The following RAB38 variants were observed in gnomAD, a reference collection of about 807,000 sequenced individuals.
The protein encoded by RAB38 is RAB38, member RAS oncogene family, also known as ras-related protein Rab-38.
Under a neutral mutation model 18.4 loss-of-function variants are expected in RAB38, and 15 were observed. The ratio of observed to expected loss-of-function variants is 0.82; its 90% confidence interval spans 0.55 to 1.26. The LOEUF (loss-of-function observed/expected upper bound fraction) is 1.26, where lower values mean the gene tolerates loss of function less well. RAB38 is among the 50% of genes most tolerant of loss of function. The pLI, the probability that RAB38 is intolerant of heterozygous loss-of-function variation, is 0.00. For missense variants in RAB38, 294 were observed against 267.4 expected, an observed-to-expected ratio of 1.10 and a Z score of -0.69; for synonymous variants, 101 against 104.4, an observed-to-expected ratio of 0.97 and a Z score of 0.20.
chr11:87,852,132 T>G, the RAB38 span, among the ~76,000 whole-genome samples: 1 of 152,098 alleles, frequency 6.6e-6, no homozygotes. Flanking sequence ...CCGTGTGTCT[T>G]TAGAGACAAG....
At chr11:87,878,914 T>C in the RAB38 span, among the ~76,000 whole-genome samples, 1 of 151,396 alleles carries the variant, frequency 6.6e-6, no homozygotes, top group South Asian at 2.1e-4. Flanking sequence ...CAGTGGAAAA[T>C]ATCCAAGTTA....
chr11:88,163,193 C>T (rs373553245), intron 1 of RAB38, among the ~76,000 whole-genome samples: 1 of 152,180 alleles, frequency 6.6e-6, no homozygotes, highest in African/African-American at 2.4e-5. Flanking sequence ...TTACTATATT[C>T]GGTGTCTCCA....
At chr11:88,112,079 C>A (rs1369358367), downstream of RAB38, among the ~76,000 whole-genome samples, 3 of 152,182 alleles carry the variant, frequency 2.0e-5, no homozygotes, top group Non-Finnish European at 4.4e-5. Flanking sequence ...GAAAGTATTT[C>A]CTCATATAAG....
the RAB38 span, among the ~76,000 whole-genome samples, chr11:87,957,998 G>T: frequency 1.3e-5 from 2 of 152,122 alleles, no homozygotes; most frequent in Non-Finnish European, 2.9e-5. Context: ...GACTTACAAT[G>T]ATTCGACTTA....
chr11:87,926,787 A>G, the RAB38 span, among the ~76,000 whole-genome samples: 36 of 152,168 alleles, frequency 2.4e-4, no homozygotes, highest in African/African-American at 7.7e-4. Context: ...TCATTCATCA[A>G]TGCTGAAGAT....
At chr11:87,945,818 G>A in the RAB38 span, among the ~76,000 whole-genome samples, 10 of 152,102 alleles carry the variant, frequency 6.6e-5, no homozygotes, top group East Asian at 1.9e-4. Context: ...TACACTTGGC[G>A]TCTGGCATCT....
chr11:88,008,738 A>G, the RAB38 span, among the ~76,000 whole-genome samples: 2 of 152,210 alleles, frequency 1.3e-5, no homozygotes, highest in African/African-American at 2.4e-5. Flanking sequence ...CAGTGGCGCC[A>G]TCTCGGCTCA....
At chr11:87,886,443 G>T in the RAB38 span, among the ~76,000 whole-genome samples, 1 of 151,798 alleles carries the variant, frequency 6.6e-6, no homozygotes, top group African/African-American at 2.4e-5. Context: ...ACCAGGGTTG[G>T]GCTTGAATTT....
chr11:88,091,731 C>T, the RAB38 span, among the ~76,000 whole-genome samples: 1 of 151,892 alleles, frequency 6.6e-6, no homozygotes, highest in Non-Finnish European at 1.5e-5. Flanking sequence ...TTGGGGCTAG[C>T]CTGGGAGGGT....
At chr11:87,977,443 AATTAT>A in the RAB38 span, among the ~76,000 whole-genome samples, 3 of 90,440 alleles carry the variant, frequency 3.3e-5, 1 homozygote, top group African/African-American at 1.4e-4. Flanking sequence ...AATTATATAT[AATTAT>A]ATTACATAAT....
the RAB38 span, among the ~76,000 whole-genome samples, chr11:88,015,929 T>G: frequency 1.3e-5 from 2 of 152,140 alleles, no homozygotes; most frequent in Admixed American, 1.3e-4. Flanking sequence ...GCATCAGAGA[T>G]AGAGATCCTT....
chr11:88,078,442 C>T, the RAB38 span, among the ~76,000 whole-genome samples: 7 of 151,422 alleles, frequency 4.6e-5, no homozygotes, highest in African/African-American at 1.7e-4. Flanking sequence ...AACCTAATTG[C>T]CCATCAAGGG....
the RAB38 span, among the ~76,000 whole-genome samples, chr11:87,831,982 C>T: frequency 6.6e-6 from 1 of 152,070 alleles, no homozygotes; most frequent in East Asian, 1.9e-4. Flanking sequence ...TACTATGTGC[C>T]AAAGACATTA....
the RAB38 span, among the ~76,000 whole-genome samples, chr11:87,809,541 A>G: frequency 6.6e-6 from 1 of 152,214 alleles, no homozygotes; most frequent in East Asian, 1.9e-4. Context: ...GACTTTTGAT[A>G]CTAAATCAAG....
intron 2 of RAB38, among the ~76,000 whole-genome samples, chr11:88,129,247 C>T (rs542709889): frequency 5.9e-4 from 90 of 152,078 alleles, no homozygotes; most frequent in African/African-American, 2.1e-3. Context: ...AGAGTTGAAA[C>T]ATAAATGACT....
At chr11:88,015,254 C>T in the RAB38 span, among the ~76,000 whole-genome samples, 1 of 152,146 alleles carries the variant, frequency 6.6e-6, no homozygotes, top group African/African-American at 2.4e-5. Context: ...CTATGGTTCT[C>T]AAACGTGCTG....
At chr11:88,087,495 C>A in the RAB38 span, among the ~76,000 whole-genome samples, 1 of 151,978 alleles carries the variant, frequency 6.6e-6, no homozygotes, top group East Asian at 2.0e-4. Flanking sequence ...AATTCAAGGG[C>A]AAGCCAATAG....
chr11:88,019,966 T>C, the RAB38 span, among the ~76,000 whole-genome samples: 1 of 152,182 alleles, frequency 6.6e-6, no homozygotes, highest in South Asian at 2.1e-4. Flanking sequence ...TTCAGCACTG[T>C]AGACATACAC....
At chr11:87,930,969 C>G in the RAB38 span, among the ~76,000 whole-genome samples, 1 of 152,086 alleles carries the variant, frequency 6.6e-6, no homozygotes, top group African/African-American at 2.4e-5. Flanking sequence ...TTACTGTAGC[C>G]TTGTAGCATA....
Sources: gnomAD v4.1 joint callset for allele counts (sites outside exome capture counted in the v4.1 genomes callset) on GRCh38, gnomAD v4.1.1 for gene constraint, MANE v1.5 for transcripts, NCBI Gene and HGNC (gene_info 2026-07-23, HGNC 2026-07-21) for gene names.